The following DPYD variants were observed in gnomAD, a reference collection of about 807,000 sequenced individuals.
The protein encoded by DPYD is dihydropyrimidine dehydrogenase [NADP(+)].
In DPYD, 109 loss-of-function variants were observed where a neutral mutation model predicts 116.2. That is an observed-to-expected ratio of 0.94 (90% CI 0.80 to 1.10). DPYD has a LOEUF of 1.10. DPYD is among the 50% of genes least tolerant of loss of function. The pLI is 0.00. For missense variants in DPYD, 1,302 were observed against 1,254.5 expected, an observed-to-expected ratio of 1.04 and a Z score of -0.57; for synonymous variants, 440 against 432.0, an observed-to-expected ratio of 1.02 and a Z score of -0.23.
chr1:97,371,386 T>C (rs1219888596), intron 16 of DPYD, among the ~76,000 whole-genome samples: 1 of 152,150 alleles, frequency 6.6e-6, no homozygotes, highest in Non-Finnish European at 1.5e-5. Context: ...CAAGATCACA[T>C]AGCAATGGGG....
At chr1:97,264,172 T>G (rs1396560909) in intron 18 of DPYD, among the ~76,000 whole-genome samples, 4 of 91,080 alleles carry the variant, frequency 4.4e-5, no homozygotes, top group South Asian at 4.3e-4. Flanking sequence ...GTTTTTTTTT[T>G]TTTTTTTTTT....
At chr1:97,545,011 G>T (rs1650720111) in intron 12 of DPYD, among the ~76,000 whole-genome samples, 1 of 151,658 alleles carries the variant, frequency 6.6e-6, no homozygotes, top group South Asian at 2.1e-4. Flanking sequence ...TAAGATTTCT[G>T]GTCAATCAAA....
At chr1:97,646,467 ACTTT>A (rs1658266486) in intron 8 of DPYD, among the ~76,000 whole-genome samples, 1 of 150,826 alleles carries the variant, frequency 6.6e-6, no homozygotes, top group African/African-American at 2.4e-5. Context: ...TTGTCAACTC[ACTTT>A]CTATTTCCTA....
rs140126081 is a variant in DPYD, at chr1:97,702,338, G to A, written c.484-2791C>T. On this transcript the variant is annotated intron_variant, in intron 5 of 22. Transcript: ENST00000370192. Reference sequence around the variant, plus strand: ...GAGATACTTAAAACATATGTTTAACGTGATCAAGGATCTCTGATCAGGGAA... The same window carrying A: ...GAGATACTTAAAACATATGTTTAACATGATCAAGGATCTCTGATCAGGGAA... 4.0e-3 allele frequency among the ~76,000 whole-genome samples: 602 copies of A among 151,556 alleles called. 2 individuals carry two copies. Among genetic ancestry groups the A allele is most frequent in the African/African-American group, 0.014 (576 of 41,426 alleles).
chr1:97,844,984 C>T (rs1670220583), intron 2 of DPYD, among the ~76,000 whole-genome samples: 2 of 152,226 alleles, frequency 1.3e-5, no homozygotes, highest in South Asian at 4.1e-4. Flanking sequence ...TGTCTCTCAC[C>T]TTGTGCCCCT....
intron 3 of DPYD, among the ~76,000 whole-genome samples, chr1:97,778,193 AGAG>A (rs1557954017): frequency 2.7e-4 from 30 of 110,496 alleles, no homozygotes; most frequent in East Asian, 8.5e-4. Context: ...AAAGAAAGAG[AGAG>A]AGAGAGAGAG....
At chr1:97,829,448 C>A (rs1669415865) in intron 2 of DPYD, among the ~76,000 whole-genome samples, 2 of 151,872 alleles carry the variant, frequency 1.3e-5, no homozygotes, top group Admixed American at 1.3e-4. Flanking sequence ...ATATATTTTT[C>A]AAAAAGTCCA....
chr1:97,671,373 A>C (rs1659851265), intron 8 of DPYD, among the ~76,000 whole-genome samples: 1 of 152,146 alleles, frequency 6.6e-6, no homozygotes, highest in Non-Finnish European at 1.5e-5. Flanking sequence ...AAAAATACTT[A>C]AAGAAAATAT....
chr1:97,237,241 CAA>C (rs58926889), intron 18 of DPYD, among the ~76,000 whole-genome samples: 4,406 of 56,424 alleles, frequency 0.078, 18 homozygotes, highest in Middle Eastern at 0.15. Context: ...GATTCTGTCT[CAA>C]AAAAAAAAAA....
chr1:97,647,224 T>G (rs1658313793), intron 8 of DPYD, among the ~76,000 whole-genome samples: 1 of 152,082 alleles, frequency 6.6e-6, no homozygotes, highest in Admixed American at 6.6e-5. Context: ...TAAGTTTAAA[T>G]ATTTTGGTGT....
At chr1:97,650,828 GAAT>G (rs1421897990) in intron 8 of DPYD, among the ~76,000 whole-genome samples, 1 of 151,830 alleles carries the variant, frequency 6.6e-6, no homozygotes, top group Non-Finnish European at 1.5e-5. Context: ...TTTCCACAGT[GAAT>G]AATTCAAGGT....
intron 16 of DPYD, among the ~76,000 whole-genome samples, chr1:97,337,216 G>C (rs1303525056): frequency 6.6e-6 from 1 of 152,184 alleles, no homozygotes. Flanking sequence ...AAGCTGAACA[G>C]AGAGTAAGAT....
intron 18 of DPYD, among the ~76,000 whole-genome samples, chr1:97,281,431 T>G (rs1298182569): frequency 6.6e-6 from 1 of 151,836 alleles, no homozygotes; most frequent in African/African-American, 2.4e-5. Flanking sequence ...TGGATGTGCA[T>G]ATATATAATT....
At chr1:97,474,819 T>C (rs1459926803) in intron 13 of DPYD, among the ~76,000 whole-genome samples, 1 of 151,164 alleles carries the variant, frequency 6.6e-6, no homozygotes, top group East Asian at 1.9e-4. Context: ...GATCTAACTT[T>C]TATATAGAAT....
chr1:97,834,304 C>T (rs1172618225), intron 2 of DPYD, among the ~76,000 whole-genome samples: 3 of 151,576 alleles, frequency 2.0e-5, no homozygotes, highest in Non-Finnish European at 4.4e-5. Context: ...TTATTTAGAA[C>T]ATAATGGGTG....
intron 20 of DPYD, among the ~76,000 whole-genome samples, chr1:97,177,212 A>G (rs1297244072): frequency 6.6e-6 from 1 of 152,228 alleles, no homozygotes; most frequent in Non-Finnish European, 1.5e-5. Flanking sequence ...ACCAGCAAAT[A>G]CTAGGTACGA....
chr1:97,330,303 T>C (rs1297776439), intron 16 of DPYD, among the ~76,000 whole-genome samples: 1 of 152,216 alleles, frequency 6.6e-6, no homozygotes, highest in Admixed American at 6.5e-5. Flanking sequence ...GGTTCATTGT[T>C]ATAACTGTTG....
intron 13 of DPYD, among the ~76,000 whole-genome samples, chr1:97,466,752 C>T (rs1049655772): frequency 5.3e-5 from 8 of 152,088 alleles, no homozygotes; most frequent in African/African-American, 1.9e-4. Flanking sequence ...GGCATCTAAG[C>T]ATATTAAAGG....
intron 13 of DPYD, among the ~76,000 whole-genome samples, chr1:97,457,118 G>A (rs1570763224): frequency 6.6e-6 from 1 of 152,162 alleles, no homozygotes; most frequent in Non-Finnish European, 1.5e-5. Context: ...AGTAGGTAAG[G>A]AAGAACAAAG....
Sources: gnomAD v4.1 joint callset for allele counts (sites outside exome capture counted in the v4.1 genomes callset) on GRCh38, gnomAD v4.1.1 for gene constraint, MANE v1.5 for transcripts, NCBI Gene and HGNC (gene_info 2026-07-23, HGNC 2026-07-21) for gene names.